TACR1: variants seen among roughly 807,000 people sequenced by gnomAD.
The protein encoded by TACR1 is substance-P receptor.
Under a neutral mutation model 35.8 loss-of-function variants are expected in TACR1, and 25 were observed. That is an observed-to-expected ratio of 0.70 (90% CI 0.51 to 0.98). The LOEUF (loss-of-function observed/expected upper bound fraction) is 0.98. Ranked by LOEUF, TACR1 falls within the 50% of genes least tolerant of loss-of-function variation. The pLI, the probability that TACR1 is intolerant of heterozygous loss-of-function variation, is 0.00. For missense variants in TACR1, 478 were observed against 522.9 expected, an observed-to-expected ratio of 0.91 and a Z score of 0.84; for synonymous variants, 195 against 206.7, an observed-to-expected ratio of 0.94 and a Z score of 0.48.
At chr2:75,142,773 T>G (rs1031372319) in intron 1 of TACR1, among the ~76,000 whole-genome samples, 2 of 152,188 alleles carry the variant, frequency 1.3e-5, no homozygotes, top group African/African-American at 4.8e-5. Context: ...TAACTCAAAT[T>G]CGGCTGATTC....
At chr2:75,132,250 C>A (rs753872419) in intron 1 of TACR1, among the ~76,000 whole-genome samples, 7 of 152,062 alleles carry the variant, frequency 4.6e-5, no homozygotes, top group Non-Finnish European at 1.0e-4. Context: ...AATGAAACAA[C>A]CTGTCAACTA....
chr2:75,160,927 G>C (rs10198644), intron 1 of TACR1, among the ~76,000 whole-genome samples: 82,453 of 149,432 alleles, frequency 0.55, 23,024 homozygotes, highest in Non-Finnish European at 0.57. Context: ...ATCCAAGAAG[G>C]TAAACATTTT....
At chr2:75,072,385 C>G (rs949201890) in intron 2 of TACR1, among the ~76,000 whole-genome samples, 1 of 152,112 alleles carries the variant, frequency 6.6e-6, no homozygotes, top group Non-Finnish European at 1.5e-5. Flanking sequence ...CCACAACTAG[C>G]CTGGTTTCCC....
At chr2:75,187,800 C>CA (rs1413564474) in intron 1 of TACR1, 2 of 152,170 alleles carry the variant, frequency 1.3e-5, no homozygotes, top group Non-Finnish European at 2.9e-5. Context: ...GGGAAACCAA[C>CA]AAAAACGAGG....
At chr2:75,148,091 G>T (rs939934994) in intron 1 of TACR1, among the ~76,000 whole-genome samples, 1 of 152,064 alleles carries the variant, frequency 6.6e-6, no homozygotes, top group Admixed American at 6.6e-5. Flanking sequence ...TGGTGTATAT[G>T]TACCACCGTT....
intron 1 of TACR1, among the ~76,000 whole-genome samples, chr2:75,142,996 A>T (rs1057336665): frequency 6.6e-5 from 10 of 152,144 alleles, no homozygotes; most frequent in Non-Finnish European, 1.0e-4. Context: ...GGGTCAGCTG[A>T]TGTGATTCTG....
At chr2:75,197,541 T>C (rs1428146664) in intron 1 of TACR1, among the ~76,000 whole-genome samples, 1 of 152,188 alleles carries the variant, frequency 6.6e-6, no homozygotes, top group Non-Finnish European at 1.5e-5. Flanking sequence ...GACATACACA[T>C]TGGAGACCTA....
At chr2:75,167,623 C>T (rs1262189574) in intron 1 of TACR1, among the ~76,000 whole-genome samples, 1 of 152,106 alleles carries the variant, frequency 6.6e-6, no homozygotes, top group Non-Finnish European at 1.5e-5. Flanking sequence ...TTATCTCACT[C>T]ATACAAAAAC....
chr2:75,098,040 C>A (rs908051566), intron 2 of TACR1, among the ~76,000 whole-genome samples: 2 of 152,158 alleles, frequency 1.3e-5, no homozygotes, highest in Non-Finnish European at 2.9e-5. Flanking sequence ...GGCTCTGGCA[C>A]ACTGCTGAAT....
intron 2 of TACR1, among the ~76,000 whole-genome samples, chr2:75,057,113 C>G (rs992034286): frequency 6.6e-6 from 1 of 152,224 alleles, no homozygotes; most frequent in Non-Finnish European, 1.5e-5. Flanking sequence ...CATCATATCC[C>G]CTGTGACCTG....
chr2:75,184,568 C>T (rs1002494367), intron 1 of TACR1, among the ~76,000 whole-genome samples: 3 of 151,602 alleles, frequency 2.0e-5, no homozygotes, highest in Admixed American at 6.6e-5. Context: ...AACTGAATTA[C>T]AGGACTTATT....
intron 1 of TACR1, among the ~76,000 whole-genome samples, chr2:75,185,453 T>C (rs13035573): frequency 0.19 from 28,245 of 152,004 alleles, 3,233 homozygotes; most frequent in Admixed American, 0.26. Flanking sequence ...AAAATTTTTA[T>C]ATCACATGAC....
At position 75,145,595 on chromosome 2, in the gene TACR1, A is replaced by G. The variant is rs542314550; in HGVS notation, c.390-24827T>C. 7.0e-4 allele frequency among the ~76,000 whole-genome samples: 107 copies of G among 152,340 alleles called. 1 individual carries two copies. The highest frequency in any genetic ancestry group is 2.6e-3 in the African/African-American group (107 of 41,594). ...ACAGCATAGCCATTTACATAATATA[A>G]TGGAAATAAGTTCACAATGGTCATG... On this transcript the variant is annotated intron_variant, in intron 1 of 4. Coordinates refer to ENST00000305249, the MANE Select transcript of TACR1 (RefSeq NM_001058.4).
At chr2:75,073,894 C>T (rs947962046) in intron 2 of TACR1, among the ~76,000 whole-genome samples, 2 of 152,160 alleles carry the variant, frequency 1.3e-5, no homozygotes, top group African/African-American at 4.8e-5. Context: ...ATGTTCTCCT[C>T]AGCACAGCTG....
intron 1 of TACR1, among the ~76,000 whole-genome samples, chr2:75,177,116 C>T (rs1032593523): frequency 6.6e-6 from 1 of 151,952 alleles, no homozygotes; most frequent in African/African-American, 2.4e-5. Context: ...TGCTGCCCCC[C>T]ACCACCACTT....
intron 2 of TACR1, among the ~76,000 whole-genome samples, chr2:75,102,654 C>T (rs1450101621): frequency 6.6e-6 from 1 of 151,998 alleles, no homozygotes; most frequent in East Asian, 1.9e-4. Flanking sequence ...GCAATCTATG[C>T]TGAGCTTAAA....
chr2:75,094,003 A>T (rs894301467), intron 2 of TACR1, among the ~76,000 whole-genome samples: 2 of 152,238 alleles, frequency 1.3e-5, no homozygotes, highest in Admixed American at 1.3e-4. Context: ...CTAGAAGCTG[A>T]GTCTTTGAAC....
At chr2:75,068,733 C>G (rs575890654) in intron 2 of TACR1, among the ~76,000 whole-genome samples, 4 of 152,290 alleles carry the variant, frequency 2.6e-5, no homozygotes, top group African/African-American at 7.2e-5. Context: ...CGGGACACCA[C>G]TCACAGAGAC....
In TACR1 at chr2:75,046,470, A is replaced by T. The variant is rs1217468530; in HGVS notation, c.*2962T>A. 6.6e-6 allele frequency: 1 copy of T among 152,206 alleles called. No homozygotes were observed. Among genetic ancestry groups the T allele is most frequent in the Non-Finnish European group, 1.5e-5 (1 of 68,050 alleles). 9.4% of individuals were successfully genotyped at this position (152,206 alleles called of 1,614,324 possible). On this transcript the variant is annotated 3_prime_UTR_variant, in exon 5 of 5. Transcript: ENST00000305249. The stretch of plus-strand genomic sequence containing the variant: ...AGAGACAGAGGCACGAGAGAGTGAA[A>T]CACATACTTTATTTCTGTATAAAGA...
Sources: gnomAD v4.1 joint callset for allele counts (sites outside exome capture counted in the v4.1 genomes callset) on GRCh38, gnomAD v4.1.1 for gene constraint, MANE v1.5 for transcripts, NCBI Gene and HGNC (gene_info 2026-07-23, HGNC 2026-07-21) for gene names.